EPG5: variants seen among roughly 807,000 people sequenced by gnomAD.
The protein encoded by EPG5 is ectopic P-granules 5 autophagy tethering factor.
EPG5 carries 159 observed loss-of-function variants against 302.7 expected under a neutral mutation model. The observed-to-expected ratio is 0.53, with a 90% CI of 0.46 to 0.60. The LOEUF (loss-of-function observed/expected upper bound fraction) is 0.60, where lower values mean the gene tolerates loss of function less well. EPG5 is among the 20% of genes least tolerant of loss of function. EPG5 has a pLI of 0.00. For synonymous variants in EPG5, 1,158 were observed against 1,136.8 expected (o/e 1.02, Z -0.37); for missense variants, 2,896 against 3,092.4 (o/e 0.94, Z 1.51).
rs1381194027 is a variant in EPG5 at position 45,926,839 on chromosome 18, A to T, written c.2554-937T>A. On this transcript the variant is annotated intron_variant, in intron 13 of 43. Coordinates refer to ENST00000282041, the MANE Select transcript of EPG5 (RefSeq NM_020964.3). ...GAGAAAAAAAAAAAAGAAGCCAAAA[A>T]CAAGAAAAACACTTGAGAAAAATGT... Among the ~76,000 whole-genome samples the T allele has an allele frequency of 2.0e-5, 3 of 151,742 alleles. No individual in the cohort carries two copies. In the East Asian group the frequency reaches 5.8e-4, roughly 29 times the overall value.
chr18:45,937,136 G>A (rs756143781), intron 10 of EPG5, among the ~76,000 whole-genome samples: 1 of 151,614 alleles, frequency 6.6e-6, no homozygotes, highest in Non-Finnish European at 1.5e-5. Flanking sequence ...GGAAATTGTA[G>A]AGGACTTAAA....
At chr18:45,884,524 CA>C in intron 30 of EPG5, 92 bp downstream of exon 30, 1 of 1,234,782 alleles carries the variant, frequency 8.1e-7, no homozygotes, top group South Asian at 1.4e-5. Flanking sequence ...TACCTGGAAA[CA>C]AAACTGCAGA....
chr18:45,876,746 A>C (rs1240650235), intron 34 of EPG5, among the ~76,000 whole-genome samples: 5 of 152,024 alleles, frequency 3.3e-5, no homozygotes, highest in Admixed American at 3.3e-4. Flanking sequence ...CATAACAAAG[A>C]GATGGCCAAA....
chr18:45,807,654 G>A, the EPG5 span, among the ~76,000 whole-genome samples: 1 of 152,132 alleles, frequency 6.6e-6, no homozygotes, highest in Non-Finnish European at 1.5e-5. Context: ...TCGGCTCTCA[G>A]GAAGCCACAT....
At chr18:45,962,036 G>A (rs1262585542) in intron 1 of EPG5, among the ~76,000 whole-genome samples, 1 of 151,514 alleles carries the variant, frequency 6.6e-6, no homozygotes, top group Admixed American at 6.6e-5. Flanking sequence ...CCTCTTGAAT[G>A]TTAAGCTCCA....
chr18:45,915,637 T>C lies in EPG5; in HGVS notation c.3583-16A>G, dbSNP rs770174790. The stretch of plus-strand genomic sequence containing the variant: ...CCAAGGCATTCTACACCGGGAGATG[T>C]GGAGCAGAGAGAGGAGGTTTTAAGG... On this transcript the variant is annotated splice_polypyrimidine_tract_variant and intron_variant, in intron 19 of 43. Transcript: ENST00000282041. 6.3e-7 allele frequency: 1 copy of C among 1,596,080 alleles called. No homozygotes were observed. The highest frequency in any genetic ancestry group is 8.6e-7 in the Non-Finnish European group (1 of 1,164,100).
Position 45,934,899 on chromosome 18 carries a change from G to T in EPG5, c.2167C>A (p.Leu723Ile). 6.2e-7 allele frequency: 1 copy of T among 1,614,134 alleles called. No individual in the cohort carries two copies. Among genetic ancestry groups the T allele is most frequent in the Non-Finnish European group, 8.5e-7 (1 of 1,180,028 alleles). The change falls in exon 11 of 44, where the codon CTC (leucine) becomes ATC (isoleucine). Residue 723 changes from leucine to isoleucine, a missense_variant. Physicochemically the swap from Leu to Ile is conservative, Grantham distance 5. This residue lies in a region of EPG5 where 1,390 missense variants were observed against 1,430.0 expected (regional missense o/e 0.97). Coordinates refer to ENST00000282041, the MANE Select transcript of EPG5 (RefSeq NM_020964.3). ...TCCACCTGGTGCATGAGGTAGAAGA[G>T]CTTCCACAGCATTTGCACAGACAGA... ...GTLSVQMLWKLFYLMHQVESE... is the reference protein window; with the variant it reads ...GTLSVQMLWKIFYLMHQVESE...
intron 25 of EPG5, among the ~76,000 whole-genome samples, chr18:45,903,514 G>A (rs143911958): frequency 1.2e-3 from 181 of 152,246 alleles, no homozygotes; most frequent in Admixed American, 2.5e-3. Flanking sequence ...GTCAACAATT[G>A]AATTTACAAT....
chr18:45,839,035 GGC>G, the EPG5 span: 174 of 1,563,198 alleles, frequency 1.1e-4, no homozygotes, highest in African/African-American at 2.3e-3. Flanking sequence ...CGGCGCTCTC[GGC>G]TTCAAGGCGC....
chr18:45,961,099 T>C (rs1001847335), intron 1 of EPG5, among the ~76,000 whole-genome samples: 1 of 152,172 alleles, frequency 6.6e-6, no homozygotes, highest in Non-Finnish European at 1.5e-5. Context: ...GCTCTCAGAC[T>C]TCAAACACTC....
chr18:45,955,461 C>T (rs191294454), intron 1 of EPG5, 123 bp from the exon 2 acceptor site: 108 of 676,758 alleles, frequency 1.6e-4, no homozygotes, highest in East Asian at 6.4e-4. Flanking sequence ...CCTAAATTCA[C>T]TTTATCAGTG....
At chr18:45,897,696 T>A (rs2049510581) in intron 27 of EPG5, among the ~76,000 whole-genome samples, 1 of 152,218 alleles carries the variant, frequency 6.6e-6, no homozygotes, top group African/African-American at 2.4e-5. Flanking sequence ...AACTTTTAGG[T>A]CAAATTTCTG....
At chr18:45,894,024 A>C (rs1004500091) in intron 27 of EPG5, among the ~76,000 whole-genome samples, 1 of 152,198 alleles carries the variant, frequency 6.6e-6, no homozygotes, top group Admixed American at 6.5e-5. Context: ...ACAAACATGA[A>C]TAAGACAAAG....
At chr18:45,867,996 AG>A (rs764901072) in intron 36 of EPG5, 144 of 562,906 alleles carry the variant, frequency 2.6e-4, no homozygotes, top group Non-Finnish European at 4.5e-4. Flanking sequence ...TTAATAAGCG[AG>A]GAATGACCTT....
In EPG5 at chr18:45,858,664, G is replaced by A. The variant is rs1407231862; in HGVS notation, c.7128C>T (p.Tyr2376=). Residue 2376 remains tyrosine (Y), a synonymous_variant, in exon 41 of 44, where the codon TAC becomes TAT. Coordinates refer to ENST00000282041, the MANE Select transcript of EPG5 (RefSeq NM_020964.3). ...CLTLGSYLTL[Y]VYLLQCLNSE... The stretch of plus-strand genomic sequence containing the variant: ...TGTTTAAACACTGAAGCAAGTAGAC[G>A]TAAAGAGTCAAGTAACTGCCCAAGG... 6.2e-6 allele frequency: 10 copies of A among 1,613,992 alleles called. No individual in the cohort carries two copies. The highest frequency in any genetic ancestry group is 1.3e-5 in the African/African-American group (1 of 74,908).
At chr18:45,947,695 G>C (rs534332240) in intron 6 of EPG5, among the ~76,000 whole-genome samples, 4 of 151,862 alleles carry the variant, frequency 2.6e-5, no homozygotes, top group Admixed American at 2.6e-4. Context: ...ATCCTAACCT[G>C]TGTTGGGGCC....
chr18:45,909,311 A>G (rs929148578), intron 23 of EPG5, among the ~76,000 whole-genome samples: 3 of 152,214 alleles, frequency 2.0e-5, no homozygotes, highest in Admixed American at 1.3e-4. Context: ...AGGAATATCA[A>G]AGACTCTCTT....
intron 1 of EPG5, among the ~76,000 whole-genome samples, chr18:45,957,057 ATACT>A (rs1325579865): frequency 6.6e-6 from 1 of 152,138 alleles, no homozygotes; most frequent in Non-Finnish European, 1.5e-5. Flanking sequence ...AATCACTCAA[ATACT>A]TACTTTCTTG....
intron 17 of EPG5, 104 bp downstream of exon 17, chr18:45,917,575 G>T (rs1180533443): frequency 1.4e-6 from 2 of 1,424,912 alleles, no homozygotes; most frequent in Non-Finnish European, 1.9e-6. Flanking sequence ...ATACGCTGTT[G>T]AAATAGCATT....
Sources: gnomAD v4.1 joint callset for allele counts (sites outside exome capture counted in the v4.1 genomes callset) on GRCh38, gnomAD v4.1.1 for gene constraint, gnomAD v4.1.1 regional missense constraint, MANE v1.5 for transcripts, NCBI Gene and HGNC (gene_info 2026-07-23, HGNC 2026-07-21) for gene names.